Variants in LRP1B observed in about 807,000 individuals in gnomAD.
LRP1B encodes the protein LDL receptor related protein 1B.
A neutral mutation model predicts 556.6 loss-of-function variants in LRP1B; 217 were observed. That is an observed-to-expected ratio of 0.39 (90% confidence interval 0.35 to 0.44). The LOEUF is 0.44. Ranked by LOEUF, LRP1B falls within the 20% of genes least tolerant of loss-of-function variation. The pLI, the probability that LRP1B is intolerant of heterozygous loss-of-function variation, is 1.00. For missense variants in LRP1B, 5,053 were observed against 5,620.8 expected, an observed-to-expected ratio of 0.90 and a Z score of 3.23; for synonymous variants, 2,047 against 1,865.8, an observed-to-expected ratio of 1.10 and a Z score of -2.50.
chr2:140,419,126 C>T (rs897922782), intron 66 of LRP1B, among the ~76,000 whole-genome samples: 1 of 152,068 alleles, frequency 6.6e-6, no homozygotes, highest in African/African-American at 2.4e-5. Flanking sequence ...ATAGGTATTC[C>T]ATGCTAATAA....
At chr2:141,452,690 T>G (rs912686128) in intron 3 of LRP1B, among the ~76,000 whole-genome samples, 1 of 152,218 alleles carries the variant, frequency 6.6e-6, no homozygotes, top group African/African-American at 2.4e-5. Flanking sequence ...GTCACTACTC[T>G]AGAATCAACT....
At chr2:140,423,804 C>T (rs1685548507) in intron 66 of LRP1B, among the ~76,000 whole-genome samples, 2 of 152,020 alleles carry the variant, frequency 1.3e-5, no homozygotes, top group South Asian at 4.1e-4. Flanking sequence ...GTAATCTAGA[C>T]ATTATCAAGA....
chr2:141,618,142 G>T (rs1559180707), intron 2 of LRP1B, among the ~76,000 whole-genome samples: 1 of 152,062 alleles, frequency 6.6e-6, no homozygotes, highest in Non-Finnish European at 1.5e-5. Context: ...GAAAGAACTT[G>T]CCCTTAAACA....
At chr2:141,792,757 A>T (rs13397816) in intron 2 of LRP1B, among the ~76,000 whole-genome samples, 20,135 of 152,038 alleles carry the variant, frequency 0.13, 1,453 homozygotes, top group Non-Finnish European at 0.16. Context: ...GTCTCAGACC[A>T]CAGGGAACGA....
At chr2:141,161,647 T>C (rs72978102) in intron 7 of LRP1B, among the ~76,000 whole-genome samples, 6,435 of 152,180 alleles carry the variant, frequency 0.042, 236 homozygotes, top group African/African-American at 0.1. Context: ...CTTGGGAAGA[T>C]AGAGATAATT....
intron 6 of LRP1B, among the ~76,000 whole-genome samples, chr2:141,203,922 T>A (rs976932439): frequency 6.6e-6 from 1 of 152,206 alleles, no homozygotes; most frequent in Non-Finnish European, 1.5e-5. Flanking sequence ...AACCTGTTCC[T>A]GAATGACTAC....
rs1456574656 is a variant in LRP1B at position 140,994,645 on chromosome 2, A to G, written c.2504-510T>C. ...TTACCACATACACTAAAGAGTGACT[A>G]TAAGAGATGATGGATATATTAATTA... On this transcript the variant is annotated intron_variant, in intron 15 of 90. Transcript: ENST00000389484. Among the ~76,000 whole-genome samples, 3 of 150,244 alleles carry G rather than the reference A, an allele frequency of 2.0e-5. No homozygotes were observed. In the Admixed American group the frequency reaches 2.0e-4, roughly 10 times the overall value.
intron 18 of LRP1B, among the ~76,000 whole-genome samples, chr2:140,965,575 C>CT (rs1304732278): frequency 6.6e-6 from 1 of 151,724 alleles, no homozygotes; most frequent in African/African-American, 2.4e-5. Flanking sequence ...TTTTATTAGA[C>CT]TTTAAGTTCT....
At chr2:140,692,677 T>C (rs931829331) in intron 41 of LRP1B, among the ~76,000 whole-genome samples, 1 of 152,168 alleles carries the variant, frequency 6.6e-6, no homozygotes, top group African/African-American at 2.4e-5. Context: ...TAATGGTATG[T>C]TATAAACTTC....
chr2:141,133,304 T>A (rs574705722), intron 7 of LRP1B, among the ~76,000 whole-genome samples: 1 of 142,808 alleles, frequency 7.0e-6, no homozygotes, highest in Non-Finnish European at 1.5e-5. Context: ...TTTTTTTTTT[T>A]CCACAATACT....
intron 6 of LRP1B, among the ~76,000 whole-genome samples, chr2:141,221,241 AG>A (rs1683024120): frequency 6.6e-6 from 1 of 151,282 alleles, no homozygotes; most frequent in Admixed American, 6.6e-5. Flanking sequence ...GAAAAAAGCA[AG>A]GGTTGCAATC....
chr2:140,615,719 A>G (rs1342925530), intron 41 of LRP1B, among the ~76,000 whole-genome samples: 2 of 151,966 alleles, frequency 1.3e-5, no homozygotes. Flanking sequence ...CTGAAATTCC[A>G]TTTGCTTTGA....
At chr2:141,814,476 G>A (rs927040430) in intron 1 of LRP1B, among the ~76,000 whole-genome samples, 6 of 152,320 alleles carry the variant, frequency 3.9e-5, no homozygotes, top group East Asian at 3.9e-4. Context: ...TGGAAGCAGG[G>A]AGATCAGCTA....
chr2:140,428,166 A>T, intron 66 of LRP1B, among the ~76,000 whole-genome samples: 1 of 152,170 alleles, frequency 6.6e-6, no homozygotes, highest in East Asian at 1.9e-4. Context: ...CCCAATCCCA[A>T]CATTAAATAA....
chr2:140,361,916 C>G (rs1016553437), intron 72 of LRP1B, among the ~76,000 whole-genome samples: 1 of 151,598 alleles, frequency 6.6e-6, no homozygotes, highest in African/African-American at 2.4e-5. Context: ...ACAGTCCAGT[C>G]TTCTAATCTT....
At chr2:140,417,311 C>T (rs1850639) in intron 66 of LRP1B, among the ~76,000 whole-genome samples, 2,524 of 152,228 alleles carry the variant, frequency 0.017, 73 homozygotes, top group African/African-American at 0.058. Context: ...TGGATGTTTG[C>T]TGTGAACTTT....
At chr2:141,640,621 C>A (rs1477876285) in intron 2 of LRP1B, among the ~76,000 whole-genome samples, 1 of 152,214 alleles carries the variant, frequency 6.6e-6, no homozygotes, top group South Asian at 2.1e-4. Context: ...GCCTGGCCAA[C>A]ATGGTGAAAC....
chr2:140,715,309 T>C (rs191889066), intron 37 of LRP1B, among the ~76,000 whole-genome samples: 110 of 152,188 alleles, frequency 7.2e-4, no homozygotes, highest in Middle Eastern at 3.4e-3. Context: ...TGGGATGTTA[T>C]TGCAGTATAT....
At chr2:140,281,100 GCA>G (rs1020148210) in intron 84 of LRP1B, among the ~76,000 whole-genome samples, 3 of 151,786 alleles carry the variant, frequency 2.0e-5, no homozygotes, top group Non-Finnish European at 4.4e-5. Context: ...GATCATTATT[GCA>G]CACTCTCTCT....
Sources: gnomAD v4.1 joint callset for allele counts (sites outside exome capture counted in the v4.1 genomes callset) on GRCh38, gnomAD v4.1.1 for gene constraint, MANE v1.5 for transcripts, NCBI Gene and HGNC (gene_info 2026-07-23, HGNC 2026-07-21) for gene names.